The following ERC1 variants were observed in gnomAD, a reference collection of about 807,000 sequenced individuals.
ERC1 encodes RAB6 interacting protein 2.
A neutral mutation model predicts 132.0 loss-of-function variants in ERC1; 56 were observed. The observed-to-expected ratio is 0.42, with a 90% CI of 0.34 to 0.53. The LOEUF (loss-of-function observed/expected upper bound fraction) is 0.53, where lower values mean the gene tolerates loss of function less well. Among genes scored for constraint, ERC1 ranks in the 20% least tolerant of loss-of-function variants. ERC1 has a pLI of 0.03. For synonymous variants in ERC1, 478 were observed against 476.1 expected, an observed-to-expected ratio of 1.00 and a Z score of -0.05; for missense variants, 1,202 against 1,349.9, an observed-to-expected ratio of 0.89 and a Z score of 1.72.
intron 13 of ERC1, among the ~76,000 whole-genome samples, chr12:1,255,189 T>C (rs1049905403): frequency 1.3e-5 from 2 of 150,050 alleles, no homozygotes; most frequent in African/African-American, 2.4e-5. Flanking sequence ...AGTGAGAACA[T>C]GCGGTGTTTG....
At chr12:1,457,476 G>A (rs916274309) in intron 18 of ERC1, among the ~76,000 whole-genome samples, 6 of 151,974 alleles carry the variant, frequency 3.9e-5, no homozygotes, top group African/African-American at 1.5e-4. Context: ...TAAGGCCAAA[G>A]TTCATCTCAT....
At chr12:1,083,875 A>G (rs1345853150) in intron 3 of ERC1, among the ~76,000 whole-genome samples, 2 of 152,216 alleles carry the variant, frequency 1.3e-5, no homozygotes, top group Non-Finnish European at 2.9e-5. Flanking sequence ...TTTTTCACTC[A>G]TCTCTAGATC....
chr12:1,305,671 G>A (rs1334467602), intron 15 of ERC1, among the ~76,000 whole-genome samples: 1 of 152,098 alleles, frequency 6.6e-6, no homozygotes, highest in Non-Finnish European at 1.5e-5. Context: ...GTCATGTTGG[G>A]TTCCTTCACA....
At chr12:1,324,175 C>T (rs570817194) in intron 15 of ERC1, among the ~76,000 whole-genome samples, 1 of 152,276 alleles carries the variant, frequency 6.6e-6, no homozygotes, top group African/African-American at 2.4e-5. Flanking sequence ...GGGTTTAAAA[C>T]GTATCCGTCT....
intron 16 of ERC1, among the ~76,000 whole-genome samples, chr12:1,407,630 C>T (rs1591835375): frequency 6.6e-6 from 1 of 152,050 alleles, no homozygotes; most frequent in African/African-American, 2.4e-5. Context: ...AGTCTTAGCC[C>T]AAGCTGCCAT....
At chr12:1,375,091 G>T (rs1299916878) in intron 16 of ERC1, among the ~76,000 whole-genome samples, 1 of 124,448 alleles carries the variant, frequency 8.0e-6, no homozygotes, top group East Asian at 2.0e-4. Context: ...TAGTCATCTG[G>T]CAGACATTCT....
intron 3 of ERC1, among the ~76,000 whole-genome samples, chr12:1,102,210 G>T (rs1944745132): frequency 1.3e-5 from 2 of 152,076 alleles, no homozygotes; most frequent in African/African-American, 4.8e-5. Flanking sequence ...AAACAAGGAG[G>T]TTTTTTATTT....
intron 7 of ERC1, among the ~76,000 whole-genome samples, chr12:1,117,657 T>C (rs902567648): frequency 1.3e-5 from 2 of 152,224 alleles, no homozygotes; most frequent in Non-Finnish European, 1.5e-5. Context: ...GCTTAACTCA[T>C]AAGTTTGTTG....
chr12:1,493,932 C>CCAAAATATAAA lies in ERC1; in HGVS notation c.*3703_*3713dup, dbSNP rs1373788118. Reference sequence around the variant, plus strand: ...TGTGAGGCAACCATCATGTGTCACCCCAAAATATAAATGTTTCTGAGCCGC... The same window carrying CCAAAATATAAA: ...TGTGAGGCAACCATCATGTGTCACCCCAAAATATAAACAAAATATAAATGTTTCTGAGCCGC... On this transcript the variant is annotated 3_prime_UTR_variant, in exon 19 of 19. Transcript: ENST00000360905. 4.3e-6 allele frequency: 1 copy of CCAAAATATAAA among 231,686 alleles called. No individual in the cohort carries two copies. The highest frequency in any genetic ancestry group is 8.5e-6 in the Non-Finnish European group (1 of 117,222). 14.4% of individuals were successfully genotyped at this position (231,686 alleles called of 1,614,324 possible).
chr12:1,105,580 A>G (rs1014897464), intron 4 of ERC1, among the ~76,000 whole-genome samples: 1 of 152,120 alleles, frequency 6.6e-6, no homozygotes, highest in African/African-American at 2.4e-5. Flanking sequence ...GATGGTCTCC[A>G]TCTCCTGACC....
rs1592396988 is a variant in ERC1 at position 1,492,682 on chromosome 12, G to C, written c.*2452G>C. 1 of 232,902 alleles carries C rather than the reference G, an allele frequency of 4.3e-6. No homozygotes were observed. The highest frequency in any genetic ancestry group is 8.5e-6 in the Non-Finnish European group (1 of 117,766). 14.4% of individuals were successfully genotyped at this position (232,902 alleles called of 1,614,324 possible). A position where few individuals can be genotyped will look rare whatever the true frequency, so the allele number is the denominator to read the frequency against. On this transcript the variant is annotated 3_prime_UTR_variant, in exon 19 of 19. Coordinates refer to ENST00000360905, the MANE Select transcript of ERC1 (RefSeq NM_178040.4). ...GACCGATATCATCTGTCTGGTCTCT[G>C]TGAACAGCAAGGAATCTTCTTGACC... is the stretch of plus-strand genomic sequence containing the variant.
chr12:1,246,079 A>AT (rs1566371084), intron 13 of ERC1, among the ~76,000 whole-genome samples: 1 of 152,038 alleles, frequency 6.6e-6, no homozygotes, highest in Non-Finnish European at 1.5e-5. Context: ...CCTCAAAGTG[A>AT]TTTTTTTATA....
At chr12:1,480,789 C>A (rs569862848) in intron 18 of ERC1, 6 of 701,786 alleles carry the variant, frequency 8.5e-6, no homozygotes, top group Non-Finnish European at 1.6e-5. Flanking sequence ...TCGAGTAATA[C>A]CTTTTAGGGG....
chr12:1,301,020 C>T (rs928360381), intron 15 of ERC1, among the ~76,000 whole-genome samples: 11 of 132,970 alleles, frequency 8.3e-5, no homozygotes, highest in African/African-American at 2.6e-4. Flanking sequence ...TTAAAAGTAA[C>T]GAAATAATGT....
At chr12:1,209,332 A>G (rs907382533) in intron 12 of ERC1, among the ~76,000 whole-genome samples, 15 of 151,908 alleles carry the variant, frequency 9.9e-5, no homozygotes, top group African/African-American at 3.6e-4. Flanking sequence ...ATGATTATCA[A>G]TACATTTGGA....
intron 12 of ERC1, 92 bp from the exon 13 acceptor site, chr12:1,236,677 T>C: frequency 7.7e-7 from 1 of 1,297,746 alleles, no homozygotes; most frequent in Non-Finnish European, 1.0e-6. Flanking sequence ...TTTTCAGCCA[T>C]TCCTTATTGT....
intron 13 of ERC1, among the ~76,000 whole-genome samples, chr12:1,247,506 CTA>C (rs2076226922): frequency 6.6e-6 from 1 of 152,156 alleles, no homozygotes; most frequent in Non-Finnish European, 1.5e-5. Flanking sequence ...TGTATTGACA[CTA>C]TATTTCTCAG....
intron 15 of ERC1, among the ~76,000 whole-genome samples, chr12:1,295,501 G>A (rs2079848658): frequency 6.6e-6 from 1 of 152,144 alleles, no homozygotes; most frequent in South Asian, 2.1e-4. Context: ...GAGTGGAATT[G>A]TAATATTAGA....
At chr12:1,322,516 A>C (rs574344799) in intron 15 of ERC1, among the ~76,000 whole-genome samples, 1 of 152,316 alleles carries the variant, frequency 6.6e-6, no homozygotes, top group African/African-American at 2.4e-5. Flanking sequence ...GTTTGTCTTC[A>C]ATCCTGATAA....
Sources: allele counts gnomAD v4.1 joint callset (sites outside exome capture counted in the v4.1 genomes callset), GRCh38; gene constraint gnomAD v4.1.1; transcripts MANE v1.5; gene names NCBI Gene and HGNC (gene_info 2026-07-23, HGNC 2026-07-21).